The following NCOA2 variants were observed in gnomAD, a reference collection of about 807,000 sequenced individuals.
The protein encoded by NCOA2 is nuclear receptor coactivator 2.
Under a neutral mutation model 145.1 loss-of-function variants are expected in NCOA2, and 21 were observed. The ratio of observed to expected loss-of-function variants is 0.14; its 90% CI spans 0.10 to 0.21. The LOEUF is 0.21. Among genes scored for constraint, NCOA2 ranks in the 10% least tolerant of loss-of-function variants. NCOA2 has a pLI of 1.00. For missense variants in NCOA2, 1,472 were observed against 1,837.6 expected, an observed-to-expected ratio of 0.80 and a Z score of 3.64; for synonymous variants, 619 against 637.5, an observed-to-expected ratio of 0.97 and a Z score of 0.44.
At chr8:70,451,735 G>A in the NCOA2 span, among the ~76,000 whole-genome samples, 1 of 152,106 alleles carries the variant, frequency 6.6e-6, no homozygotes, top group Non-Finnish European at 1.5e-5. Context: ...GCTGGATCAC[G>A]ATCCTCCACA....
chr8:70,292,315 G>A (rs1430328469), intron 2 of NCOA2, among the ~76,000 whole-genome samples: 4 of 151,748 alleles, frequency 2.6e-5, no homozygotes, highest in Non-Finnish European at 5.9e-5. Context: ...ACCATGCCCA[G>A]CTAATTTTTG....
chr8:70,416,826 T>G, the NCOA2 span, among the ~76,000 whole-genome samples: 1 of 152,180 alleles, frequency 6.6e-6, no homozygotes, highest in African/African-American at 2.4e-5. Flanking sequence ...AATAGCCTAA[T>G]CACTTCTCAT....
intron 1 of NCOA2, among the ~76,000 whole-genome samples, chr8:70,347,928 G>A (rs1808829181): frequency 1.3e-5 from 2 of 152,166 alleles, no homozygotes; most frequent in Non-Finnish European, 2.9e-5. Context: ...TAAGAAGAGA[G>A]TGTAGGAAAT....
At chr8:70,432,439 A>T in the NCOA2 span, among the ~76,000 whole-genome samples, 1 of 152,156 alleles carries the variant, frequency 6.6e-6, no homozygotes, top group African/African-American at 2.4e-5. Flanking sequence ...AGGTGAGAGG[A>T]TTGCTTGAGG....
intron 2 of NCOA2, among the ~76,000 whole-genome samples, chr8:70,245,970 C>A (rs1426571711): frequency 6.6e-6 from 1 of 152,082 alleles, no homozygotes; most frequent in Non-Finnish European, 1.5e-5. Context: ...AAAATGTAGT[C>A]TTGTTAAGAA....
rs561078964 is a variant in NCOA2, at chr8:70,329,361, T to C, written c.-76-32561A>G. On this transcript the variant is annotated intron_variant, in intron 1 of 22. Coordinates refer to ENST00000452400, the MANE Select transcript of NCOA2 (RefSeq NM_006540.4). ...CCTGGGCTCAAGCAATCGACCCACC[T>C]CAGCCTCCCCAAGTGCTGGAATTAC... is the stretch of plus-strand genomic sequence containing the variant. Among the ~76,000 whole-genome samples, 6 of 152,272 alleles carry C rather than the reference T, an allele frequency of 3.9e-5. No homozygotes were observed. In the East Asian group the frequency reaches 9.6e-4, roughly 24 times the overall value.
In NCOA2 at chr8:70,148,312, C is replaced by A; in HGVS notation, c.2566G>T (p.Val856Phe). 6.2e-7 allele frequency: 1 copy of A among 1,614,026 alleles called. No homozygotes were observed. The highest frequency in any genetic ancestry group is 8.5e-7 in the Non-Finnish European group (1 of 1,179,892). Residue 856 changes from valine to phenylalanine, a missense_variant, in exon 12 of 23, where the codon GTT becomes TTT. Val to Phe is a conservative substitution (Grantham distance 50). Transcript: ENST00000452400. The part of the protein sequence containing the change: ...LTAENSPVTP[V>F]GAQKTALRIS... ...CGCAGTGCTGTTTTCTGGGCTCCAA[C>A]AGGTGTGACAGGGCTGTTTTCAGCT...
At chr8:70,424,937 T>G in the NCOA2 span, among the ~76,000 whole-genome samples, 1 of 152,250 alleles carries the variant, frequency 6.6e-6, no homozygotes, top group African/African-American at 2.4e-5. Flanking sequence ...ACCTCCCAAA[T>G]GGGTGGAGTG....
chr8:70,180,187 A>C (rs1373737368), intron 4 of NCOA2, among the ~76,000 whole-genome samples: 1 of 152,272 alleles, frequency 6.6e-6, no homozygotes, highest in Non-Finnish European at 1.5e-5. Flanking sequence ...AAGAAATCAT[A>C]AAATATCTCT....
chr8:70,273,639 A>C, intron 2 of NCOA2: 1 of 728,316 alleles, frequency 1.4e-6, no homozygotes, highest in Non-Finnish European at 2.5e-6. Context: ...GGCTATACTG[A>C]GACAAAGCAG....
chr8:70,238,144 G>A (rs1821801044), intron 2 of NCOA2, among the ~76,000 whole-genome samples: 1 of 151,550 alleles, frequency 6.6e-6, no homozygotes, highest in South Asian at 2.1e-4. Context: ...GAATAAGCAT[G>A]TGCACACGCG....
At chr8:70,175,587 A>G (rs1044315900) in intron 4 of NCOA2, among the ~76,000 whole-genome samples, 3 of 152,268 alleles carry the variant, frequency 2.0e-5, no homozygotes, top group African/African-American at 7.2e-5. Context: ...TTCTTCATAG[A>G]ATGAGAATGT....
At chr8:70,155,618 A>G (rs553944495) in intron 11 of NCOA2, among the ~76,000 whole-genome samples, 1 of 152,332 alleles carries the variant, frequency 6.6e-6, no homozygotes, top group Admixed American at 6.5e-5. Flanking sequence ...TCTATAAGCA[A>G]TGTTTTATCG....
intron 1 of NCOA2, among the ~76,000 whole-genome samples, chr8:70,338,012 C>T (rs1444952104): frequency 1.3e-5 from 2 of 151,932 alleles, no homozygotes. Flanking sequence ...AATAACCTAC[C>T]ATCACAACTA....
At chr8:70,420,594 T>C in the NCOA2 span, among the ~76,000 whole-genome samples, 4 of 152,296 alleles carry the variant, frequency 2.6e-5, no homozygotes, top group African/African-American at 9.6e-5. Context: ...AGTCCATTTC[T>C]CCCTTCAGGA....
intron 2 of NCOA2, among the ~76,000 whole-genome samples, chr8:70,250,985 A>C (rs578059631): frequency 2.0e-4 from 31 of 152,338 alleles, no homozygotes; most frequent in African/African-American, 7.2e-4. Context: ...TAAGGGAAAA[A>C]GTAATACTGC....
At chr8:70,386,354 TG>T (rs1489285901) in intron 1 of NCOA2, among the ~76,000 whole-genome samples, 1 of 152,238 alleles carries the variant, frequency 6.6e-6, no homozygotes, top group Non-Finnish European at 1.5e-5. Context: ...GCTCTCACCA[TG>T]TAAAAAGCCC....
intron 7 of NCOA2, among the ~76,000 whole-genome samples, chr8:70,163,960 A>C (rs903419793): frequency 6.6e-6 from 1 of 152,224 alleles, no homozygotes; most frequent in Non-Finnish European, 1.5e-5. Flanking sequence ...AAAATGATGA[A>C]ACTAAAATAT....
At chr8:70,256,954 A>G (rs1823687650) in intron 2 of NCOA2, among the ~76,000 whole-genome samples, 1 of 152,256 alleles carries the variant, frequency 6.6e-6, no homozygotes, top group Admixed American at 6.5e-5. Flanking sequence ...TCAAGGTTAC[A>G]GAGTAGAAAG....
Sources: gnomAD v4.1 joint callset for allele counts (sites outside exome capture counted in the v4.1 genomes callset) on GRCh38, gnomAD v4.1.1 for gene constraint, MANE v1.5 for transcripts, NCBI Gene and HGNC (gene_info 2026-07-23, HGNC 2026-07-21) for gene names.